The following HEPH variants were observed in gnomAD, a reference collection of about 807,000 sequenced individuals.
The protein encoded by HEPH is hephaestin.
HEPH carries 69 observed loss-of-function variants against 80.8 expected under a neutral mutation model. The observed-to-expected ratio is 0.85, with a 90% CI of 0.70 to 1.04. The LOEUF is 1.04. HEPH is among the 50% of genes least tolerant of loss of function. HEPH has a pLI of 0.00. For synonymous variants in HEPH, 431 were observed against 322.8 expected (o/e 1.34, Z -3.60); for missense variants, 1,115 against 891.3 (o/e 1.25, Z -3.20).
intron 15 of HEPH, among the ~76,000 whole-genome samples, chrX:66,223,452 T>G (rs1272334091): frequency 9.0e-6 from 1 of 111,670 alleles, no homozygotes; most frequent in Non-Finnish European, 1.9e-5. Flanking sequence ...TATATTAGTA[T>G]ACTATTAATG....
At chrX:66,265,084 A>T (rs912846684) in intron 20 of HEPH, among the ~76,000 whole-genome samples, 6 of 110,436 alleles carry the variant, frequency 5.4e-5, no homozygotes, top group African/African-American at 2.0e-4. Context: ...TCACAAAAGG[A>T]GTATGTGGTA....
chrX:66,245,278 G>C (rs1309055300), intron 15 of HEPH, among the ~76,000 whole-genome samples: 1 of 111,224 alleles, frequency 9.0e-6, no homozygotes, highest in Non-Finnish European at 1.9e-5. Flanking sequence ...TAAAGGGATG[G>C]AGGAAGATCT....
rs748085862 is a variant in HEPH at position 66,260,096 on chromosome X, G to A, written c.3037-4G>A. The A allele has an allele frequency of 8.3e-7, 1 of 1,204,407 alleles. No homozygotes were observed. The highest frequency in any genetic ancestry group is 1.7e-5 in the African/African-American group (1 of 57,161). ...CTCTCCCTCATTCCCAATCTCTCTT[G>A]CAGAATGGCGAGAACTACCGGGCAG... is the stretch of plus-strand genomic sequence containing the variant. On this transcript the variant is annotated splice_polypyrimidine_tract_variant and splice_region_variant and intron_variant, in intron 18 of 20. Coordinates refer to ENST00000343002, the MANE Select transcript of HEPH (RefSeq NM_001367233.3).
At chrX:66,179,903 C>A (rs752857540) in intron 4 of HEPH, among the ~76,000 whole-genome samples, 1 of 111,621 alleles carries the variant, frequency 9.0e-6, no homozygotes, top group South Asian at 3.8e-4. Context: ...ATAGCTTCTC[C>A]TACTCACTTT....
At chrX:66,238,819 G>T (rs1348919320) in intron 15 of HEPH, among the ~76,000 whole-genome samples, 1 of 112,345 alleles carries the variant, frequency 8.9e-6, no homozygotes, top group African/African-American at 3.2e-5. Flanking sequence ...CAACAAGCCA[G>T]TCATTAGCAT....
chrX:66,247,985 C>A (rs2090874242), intron 15 of HEPH, among the ~76,000 whole-genome samples: 1 of 111,647 alleles, frequency 9.0e-6, no homozygotes. Context: ...ACCATCTTCC[C>A]TTTCTTTTAT....
At position 66,172,553 on chromosome X, in the gene HEPH, C is replaced by A. The variant is rs1354738377; in HGVS notation, c.366C>A (p.Pro122=). ...LIHLKNFATR[P]YTIHPHGVFY... ...ACCTGAAGAATTTTGCCACTCGTCC[C>A]TATACCATCCACCCTCATGGTGTCT... Residue 122 remains proline (P), a synonymous_variant, in exon 3 of 21, where the codon CCC becomes CCA. Transcript: ENST00000343002. 4.2e-6 allele frequency: 5 copies of A among 1,201,709 alleles called. No homozygotes were observed. Among genetic ancestry groups the A allele is most frequent in the Non-Finnish European group, 5.6e-6 (5 of 889,998 alleles).
chrX:66,166,856 C>T (rs2086389534), intron 1 of HEPH, among the ~76,000 whole-genome samples: 2 of 111,745 alleles, frequency 1.8e-5, no homozygotes, highest in African/African-American at 3.3e-5. Flanking sequence ...GAATGTGTTA[C>T]CATATATGGG....
At chrX:66,171,120 A>T (rs2086578400) in intron 2 of HEPH, 1 of 322,796 alleles carries the variant, frequency 3.1e-6, no homozygotes, top group Admixed American at 3.3e-5. Context: ...CTGTATATTT[A>T]TTTCAGATAT....
At chrX:66,231,671 T>C in intron 15 of HEPH, among the ~76,000 whole-genome samples, 1 of 109,399 alleles carries the variant, frequency 9.1e-6, no homozygotes, top group Non-Finnish European at 1.9e-5. Flanking sequence ...CTTAAGGAGA[T>C]TTTGGGCTGA....
At chrX:66,253,291 G>A (rs1329947548) in intron 15 of HEPH, among the ~76,000 whole-genome samples, 1 of 111,852 alleles carries the variant, frequency 8.9e-6, no homozygotes, top group Non-Finnish European at 1.9e-5. Flanking sequence ...TTTAAAATGG[G>A]CAAAGGATTT....
intron 15 of HEPH, among the ~76,000 whole-genome samples, chrX:66,254,753 C>T (rs1480799179): frequency 1.0e-5 from 1 of 99,633 alleles, no homozygotes; most frequent in Admixed American, 1.1e-4. Context: ...ACCCCCGCCC[C>T]GCAAAGAAAA....
At chrX:66,256,071 T>A (rs766175610) in intron 16 of HEPH, 34 bp from the exon 17 acceptor site, 1 of 1,113,696 alleles carries the variant, frequency 9.0e-7, no homozygotes, top group Admixed American at 2.4e-5. Context: ...CAACTCCATC[T>A]CTTTCTCTCT....
intron 4 of HEPH, among the ~76,000 whole-genome samples, chrX:66,186,378 G>C (rs976365722): frequency 2.1e-4 from 23 of 110,768 alleles, no homozygotes; most frequent in Non-Finnish European, 3.4e-4. Flanking sequence ...AGGACCCTCT[G>C]AGCCAGTTGT....
chrX:66,177,476 T>A (rs1048722942), intron 4 of HEPH, among the ~76,000 whole-genome samples: 3 of 111,847 alleles, frequency 2.7e-5, no homozygotes, highest in Non-Finnish European at 3.8e-5. Context: ...CAGGAATTTA[T>A]CCATCTCATT....
chrX:66,255,018 C>T lies in HEPH; in HGVS notation c.2564-17C>T, dbSNP rs1209683790. Reference sequence around the variant, plus strand: ...TTCTGACCCGGTGCAACTGGAGGTTCCTTGTTACACTTCTAGGTGAGGTGG... The same window carrying T: ...TTCTGACCCGGTGCAACTGGAGGTTTCTTGTTACACTTCTAGGTGAGGTGG... On this transcript the variant is annotated splice_polypyrimidine_tract_variant and intron_variant, in intron 15 of 20. Coordinates refer to ENST00000343002, the MANE Select transcript of HEPH (RefSeq NM_001367233.3). 8.7e-7 allele frequency: 1 copy of T among 1,142,926 alleles called. No homozygotes were observed. The highest frequency in any genetic ancestry group is 2.0e-5 in the South Asian group (1 of 51,063). 94.2% of individuals were successfully genotyped at this position (1,142,926 alleles called of 1,213,427 possible).
At chrX:66,257,509 C>T (rs756356185) in intron 17 of HEPH, among the ~76,000 whole-genome samples, 4 of 112,119 alleles carry the variant, frequency 3.6e-5, no homozygotes, top group Non-Finnish European at 7.5e-5. Context: ...ACTAAGAAGG[C>T]TAATTGAAAA....
intron 15 of HEPH, among the ~76,000 whole-genome samples, chrX:66,235,829 T>C (rs1446567725): frequency 8.9e-6 from 1 of 112,012 alleles, no homozygotes; most frequent in African/African-American, 3.2e-5. Context: ...CTATTCATGA[T>C]CCCATATTTG....
Position 66,256,345 on chromosome X carries a change from A to T in HEPH, c.2896+15A>T, listed in dbSNP as rs764070910. ...TAAAATGCATGGTCAGTAGTAAAAA[A>T]CCTACTCTTGTTCCAAAGCAGTCCC... On this transcript the variant is annotated intron_variant, in intron 17 of 20. Transcript: ENST00000343002. The T allele has an allele frequency of 2.6e-6, 3 of 1,136,964 alleles. No homozygotes were observed. Among genetic ancestry groups the T allele is most frequent in the South Asian group, 3.7e-5 (2 of 53,781 alleles). 93.7% of individuals were successfully genotyped at this position (1,136,964 alleles called of 1,213,427 possible).
Sources: gnomAD v4.1 joint callset for allele counts (sites outside exome capture counted in the v4.1 genomes callset) on GRCh38, gnomAD v4.1.1 for gene constraint, MANE v1.5 for transcripts, NCBI Gene and HGNC (gene_info 2026-07-23, HGNC 2026-07-21) for gene names.